The following F13B variants were observed in gnomAD, a reference collection of about 807,000 sequenced individuals.
The protein encoded by F13B is TGase.
A neutral mutation model predicts 79.8 loss-of-function variants in F13B; 58 were observed. The ratio of observed to expected loss-of-function variants is 0.73; its 90% CI spans 0.59 to 0.90. The LOEUF (loss-of-function observed/expected upper bound fraction) is 0.90. Ranked by LOEUF, F13B falls within the 40% of genes least tolerant of loss-of-function variation. The probability of loss-of-function intolerance (pLI) is 0.00; values close to 1 mark genes in which losing one functional copy is unlikely to be tolerated. For missense variants in F13B, 773 were observed against 777.0 expected, an observed-to-expected ratio of 0.99 and a Z score of 0.06; for synonymous variants, 283 against 260.3, an observed-to-expected ratio of 1.09 and a Z score of -0.84.
In F13B at chr1:197,050,709, G is replaced by A; in HGVS notation, c.1726C>T (p.Pro576Ser). 1 of 1,612,870 alleles carries A rather than the reference G, an allele frequency of 6.2e-7. No individual in the cohort carries two copies. The highest frequency in any genetic ancestry group is 8.5e-7 in the Non-Finnish European group (1 of 1,179,296). The change falls in exon 10 of 12, where the codon CCA (proline) becomes TCA (serine). Residue 576 changes from proline (P) to serine (S), a missense_variant. By Grantham distance (74) the Pro-to-Ser change is moderately conservative. Coordinates refer to ENST00000367412, the MANE Select transcript of F13B (RefSeq NM_001994.3). ...TAGTAGTACATACCTAAACACAATGGTGGTGTAGTCCACATTCCATCTAAA... is the reference window on the plus strand; with the variant it reads ...TAGTAGTACATACCTAAACACAATGATGGTGTAGTCCACATTCCATCTAAA... ...YCLDGMWTTP[P>S]LCLEPCTLSF...
rs546919954 is a variant in F13B at position 197,062,893 on chromosome 1, T to C, written c.229A>G (p.Thr77Ala). The C allele has an allele frequency of 4.3e-6, 7 of 1,613,896 alleles. No homozygotes were observed. The highest frequency in any genetic ancestry group is 5.9e-6 in the Non-Finnish European group (7 of 1,179,822). ...GGCTCTGGAGACCAGCCTTCTGTTG[T>C]ACACGTGGTTTGCTCTTCTTGTCTT... ...SGRQEEQTTC[T>A]TEGWSPEPRC... The change falls in exon 2 of 12, where the codon ACA becomes GCA. Residue 77 changes from threonine to alanine, a missense_variant. By Grantham distance (58) the Thr-to-Ala change is moderately conservative. Coordinates refer to ENST00000367412, the MANE Select transcript of F13B (RefSeq NM_001994.3).
chr1:197,052,790 CTA>C lies in F13B; in HGVS notation c.1397_1398del (p.Ile466ArgfsTer7), dbSNP rs762342412. ...VNVDYMNRNN[I>X]EMKWKYEGKV... ...TTCCCTTCATATTTCCACTTCATTT[CTA>C]TGTTATTTCTGTTCATGTAATCCAC... On this transcript the variant is annotated frameshift_variant, in exon 9 of 12. Coordinates refer to ENST00000367412, the MANE Select transcript of F13B (RefSeq NM_001994.3). LOFTEE classifies it high-confidence loss of function. 6.2e-7 allele frequency: 1 copy of C among 1,610,664 alleles called. No individual in the cohort carries two copies. The highest frequency in any genetic ancestry group is 1.1e-5 in the South Asian group (1 of 90,966).
Position 197,052,721 on chromosome 1 carries a change from A to G in F13B, c.1468T>C (p.Tyr490His). The G allele has an allele frequency of 1.2e-6, 2 of 1,611,994 alleles. No individual in the cohort carries two copies. The highest frequency in any genetic ancestry group is 1.7e-5 in the Admixed American group (1 of 59,836). ...AATGGGGTTAATGGAGATAAGTCAT[A>G]TCCCTGTTTACATACAAAATCTATT... ...DLIDFVCKQG[Y>H]DLSPLTPLSE... The change falls in exon 9 of 12, where the codon TAT becomes CAT. Residue 490 changes from tyrosine to histidine, a missense_variant. By Grantham distance (83) the Tyr-to-His change is moderately conservative. Coordinates refer to ENST00000367412, the MANE Select transcript of F13B (RefSeq NM_001994.3).
intron 1 of F13B, among the ~76,000 whole-genome samples, chr1:197,065,323 G>A (rs902656793): frequency 7.2e-5 from 11 of 152,064 alleles, no homozygotes; most frequent in Admixed American, 2.0e-4. Flanking sequence ...ATGCCTTGGA[G>A]AATATGAATT....
chr1:197,062,108 T>C (rs1287126531), intron 2 of F13B, 139 bp from the exon 3 acceptor site: 1 of 738,966 alleles, frequency 1.4e-6, no homozygotes. Flanking sequence ...TGAAAATGGA[T>C]TCAATTTAAC....
chr1:197,052,961 TCTCTCA>T, intron 8 of F13B, 127 bp from the exon 9 acceptor site: 1 of 537,686 alleles, frequency 1.9e-6, no homozygotes. Context: ...AATTAAGGCT[TCTCTCA>T]CACACATATA....
rs752330676 is a variant in F13B, at chr1:197,052,637, T to C, written c.1552A>G (p.Lys518Glu). 5.6e-6 allele frequency: 9 copies of C among 1,606,690 alleles called. No individual in the cohort carries two copies. In the South Asian group the frequency reaches 8.8e-5, roughly 16 times the overall value. ...GEVKYPLCTR[K>E]ESKGMCTSPP... ...GCAGAGAACATTATTATTTTACCTT[T>C]TCTAGTACATAAAGGATATTTCACT... Residue 518 changes from lysine (K) to glutamate (E), a missense_variant, in exon 9 of 12, where the codon AAA (lysine) becomes GAA (glutamate). Transcript: ENST00000367412.
At chr1:197,042,052 G>A (rs1655055497) in intron 10 of F13B, among the ~76,000 whole-genome samples, 2 of 152,086 alleles carry the variant, frequency 1.3e-5, no homozygotes, top group South Asian at 2.1e-4. Context: ...AAATTTATAA[G>A]TTGTTTATTT....
chr1:197,048,865 A>G (rs947718949), intron 10 of F13B, among the ~76,000 whole-genome samples: 38 of 152,098 alleles, frequency 2.5e-4, no homozygotes, highest in African/African-American at 8.7e-4. Flanking sequence ...AAGCAAATAC[A>G]TGCTTGTTAT....
At chr1:197,042,447 T>A (rs10754209) in intron 10 of F13B, among the ~76,000 whole-genome samples, 67,925 of 151,630 alleles carry the variant, frequency 0.45, 16,776 homozygotes, top group East Asian at 0.82. Flanking sequence ...ACAGGAAGCA[T>A]TTCGAGGTAT....
intron 10 of F13B, among the ~76,000 whole-genome samples, chr1:197,049,202 A>C (rs1322078460): frequency 1.3e-5 from 2 of 152,012 alleles, no homozygotes; most frequent in Non-Finnish European, 2.9e-5. Context: ...TATTCATCTA[A>C]ACAAGCCAGA....
rs17549312 is a variant in F13B at position 197,057,716 on chromosome 1, T to A, written c.806-251A>T. On this transcript the variant is annotated intron_variant, in intron 5 of 11. Coordinates refer to ENST00000367412, the MANE Select transcript of F13B (RefSeq NM_001994.3). ...GGATTAGTACGTGATTATGCACACATAATTATGTAACATCAGTTTTTAACG... is the reference window on the plus strand; with the variant it reads ...GGATTAGTACGTGATTATGCACACAAAATTATGTAACATCAGTTTTTAACG... Among the ~76,000 whole-genome samples the A allele has an allele frequency of 0.3, 46,101 of 151,956 alleles. 8,815 individuals carry two copies. The highest frequency in any genetic ancestry group is 0.45 in the Middle Eastern group (133 of 294).
At chr1:197,066,279 A>G (rs1299984662) in intron 1 of F13B, among the ~76,000 whole-genome samples, 1 of 152,190 alleles carries the variant, frequency 6.6e-6, no homozygotes, top group Non-Finnish European at 1.5e-5. Flanking sequence ...AACACAGTTA[A>G]AACTTATGTA....
chr1:197,044,040 C>T (rs1271743122), intron 10 of F13B, among the ~76,000 whole-genome samples: 2 of 151,016 alleles, frequency 1.3e-5, no homozygotes, highest in East Asian at 3.9e-4. Context: ...TTGGAACTAA[C>T]TCATATATAT....
At chr1:197,044,083 AAAG>A (rs1655139553) in intron 10 of F13B, among the ~76,000 whole-genome samples, 1 of 151,756 alleles carries the variant, frequency 6.6e-6, no homozygotes, top group Non-Finnish European at 1.5e-5. Context: ...AGAGAGAGAG[AAAG>A]AGAGAGAGGG....
rs746049832 is a variant in F13B, at chr1:197,060,475, T to C, written c.696A>G (p.Glu232=). 1.4e-5 allele frequency: 22 copies of C among 1,608,758 alleles called. No homozygotes were observed. In the South Asian group the frequency reaches 2.4e-4, roughly 18 times the overall value. The change falls in exon 5 of 12, where the codon GAA becomes GAG. Residue 232 remains glutamate, a synonymous_variant. Transcript: ENST00000367412. ...GYFHPVKQTY[E]EGDVVQFFCH... The stretch of plus-strand genomic sequence containing the variant: ...AGAAAAACTGAACGACATCTCCTTC[T>C]TCATAGGTTTGCTTTACAGGATGAA...
At chr1:197,046,548 G>T (rs1176243559) in intron 10 of F13B, among the ~76,000 whole-genome samples, 1 of 152,176 alleles carries the variant, frequency 6.6e-6, no homozygotes, top group Non-Finnish European at 1.5e-5. Context: ...CATGCTCATG[G>T]ATAGGAAGAA....
At chr1:197,063,214 G>T (rs930146628) in intron 1 of F13B, among the ~76,000 whole-genome samples, 157 bp from the exon 2 acceptor site, 1 of 152,130 alleles carries the variant, frequency 6.6e-6, no homozygotes, top group Non-Finnish European at 1.5e-5. Context: ...GACAACTCAA[G>T]CAGTCCTTTT....
At chr1:197,062,387 T>C (rs551818944) in intron 2 of F13B, among the ~76,000 whole-genome samples, 3 of 152,158 alleles carry the variant, frequency 2.0e-5, no homozygotes, top group Non-Finnish European at 4.4e-5. Context: ...ACTCAAACTT[T>C]CAATTCAAAA....
Sources: gnomAD v4.1 joint callset for allele counts (sites outside exome capture counted in the v4.1 genomes callset) on GRCh38, gnomAD v4.1.1 for gene constraint, MANE v1.5 for transcripts, NCBI Gene and HGNC (gene_info 2026-07-23, HGNC 2026-07-21) for gene names.